Variants in RAP1A observed in about 807,000 individuals in gnomAD.
RAP1A encodes the protein ras-related protein Rap-1A.
Under a neutral mutation model 26.4 loss-of-function variants are expected in RAP1A, and 6 were observed. That is an observed-to-expected ratio of 0.23 (90% CI 0.12 to 0.45). The LOEUF is 0.45. Ranked by LOEUF, RAP1A falls within the 20% of genes least tolerant of loss-of-function variation. The pLI is 0.99. For missense variants in RAP1A, 121 were observed against 217.2 expected, an observed-to-expected ratio of 0.56 and a Z score of 2.78; for synonymous variants, 73 against 79.4, an observed-to-expected ratio of 0.92 and a Z score of 0.43.
At chr1:111,699,247 ACTATCCATATAGAAT>A (rs1408057696) in intron 4 of RAP1A, among the ~76,000 whole-genome samples, 2 of 152,190 alleles carry the variant, frequency 1.3e-5, no homozygotes, top group East Asian at 3.9e-4. Context: ...TAGTGATTTT[ACTATCCATATAGAAT>A]CTATATGGAT....
At chr1:111,618,036 C>T (rs896876124), upstream of RAP1A, among the ~76,000 whole-genome samples, 4 of 116,590 alleles carry the variant, frequency 3.4e-5, no homozygotes, top group Admixed American at 7.9e-5. Context: ...AGCAAGACTC[C>T]GCCTCAAAAA....
At chr1:111,710,232 A>G (rs1372473833) in intron 7 of RAP1A, among the ~76,000 whole-genome samples, 7 of 152,172 alleles carry the variant, frequency 4.6e-5, no homozygotes, top group Admixed American at 3.9e-4. Flanking sequence ...GTATGAGTCA[A>G]CTTCTTTCAA....
chr1:111,639,994 A>G (rs1181398874), intron 1 of RAP1A, among the ~76,000 whole-genome samples: 2 of 152,222 alleles, frequency 1.3e-5, no homozygotes, highest in African/African-American at 2.4e-5. Context: ...CTTTGGTGCA[A>G]AATTTAACCT....
In RAP1A at chr1:111,545,760, T is replaced by C. The variant is rs555956360; in HGVS notation, c.-28+3251T>C. On this transcript the variant is annotated intron_variant, in intron 1 of 7. Transcript: ENST00000356415. Reference sequence around the variant, plus strand: ...AAAAGCTTTGTTATTTTAGCTCTTATAGTTAGTTATTTGATCGATTTTTAC... The same window carrying C: ...AAAAGCTTTGTTATTTTAGCTCTTACAGTTAGTTATTTGATCGATTTTTAC... 4.7e-4 allele frequency among the ~76,000 whole-genome samples: 71 copies of C among 152,266 alleles called. 1 individual carries two copies. The South Asian group carries it at 5.6e-3, about 12-fold the overall frequency.
chr1:111,708,754 A>T (rs1571578577), intron 6 of RAP1A, among the ~76,000 whole-genome samples: 1 of 152,210 alleles, frequency 6.6e-6, no homozygotes, highest in Non-Finnish European at 1.5e-5. Context: ...GATGATTCAG[A>T]AAGTGTGTGT....
chr1:111,619,181 C>T (rs1659084920), upstream of RAP1A, among the ~76,000 whole-genome samples: 1 of 152,220 alleles, frequency 6.6e-6, no homozygotes, highest in South Asian at 2.1e-4. Context: ...GATTTTCTCT[C>T]AGCTTGGAAA....
intron 1 of RAP1A, among the ~76,000 whole-genome samples, chr1:111,685,852 T>C (rs76971909): frequency 0.089 from 13,241 of 148,460 alleles, 773 homozygotes; most frequent in African/African-American, 0.18. Context: ...TTATTCACAA[T>C]AGCAGAGACT....
At chr1:111,650,884 C>T (rs1660246759) in intron 1 of RAP1A, among the ~76,000 whole-genome samples, 1 of 152,126 alleles carries the variant, frequency 6.6e-6, no homozygotes, top group Non-Finnish European at 1.5e-5. Flanking sequence ...TCACTGCAAC[C>T]TCCGCCTCCC....
chr1:111,662,852 C>T (rs964546904), intron 1 of RAP1A, among the ~76,000 whole-genome samples: 8 of 152,214 alleles, frequency 5.3e-5, no homozygotes, highest in Non-Finnish European at 1.0e-4. Flanking sequence ...TGTCTTGGCT[C>T]ACACAACTTA....
chr1:111,548,680 G>A (rs1657131554), intron 1 of RAP1A, among the ~76,000 whole-genome samples: 1 of 152,126 alleles, frequency 6.6e-6, no homozygotes, highest in Non-Finnish European at 1.5e-5. Flanking sequence ...AATGGATGTG[G>A]ATGGTCTGCC....
rs79408127 is a variant in RAP1A, at chr1:111,665,358, G to A, written c.-27-25976G>A. Among the ~76,000 whole-genome samples the A allele has an allele frequency of 6.6e-5, 10 of 152,256 alleles. No individual in the cohort carries two copies. In the East Asian group the frequency reaches 1.7e-3, roughly 26 times the overall value. On this transcript the variant is annotated intron_variant, in intron 1 of 7. Transcript: ENST00000369709. ...GTGCTGTTAAGGGAATAAAGTTAGA[G>A]AGTGAATACCTCTATTTATGGAAAT... is the stretch of plus-strand genomic sequence containing the variant.
At chr1:111,580,651 A>G (rs1338826005) in intron 1 of RAP1A, among the ~76,000 whole-genome samples, 21 of 152,182 alleles carry the variant, frequency 1.4e-4, no homozygotes, top group Non-Finnish European at 5.9e-5. Context: ...GTTTGAGACC[A>G]GCCTGGCCAA....
intron 1 of RAP1A, among the ~76,000 whole-genome samples, chr1:111,646,419 G>C: frequency 2.6e-5 from 2 of 75,986 alleles, no homozygotes; most frequent in South Asian, 4.2e-4. Flanking sequence ...TTTCCTTTTT[G>C]TAAAAAAAAA....
At chr1:111,628,525 A>AT (rs1659468425) in intron 1 of RAP1A, among the ~76,000 whole-genome samples, 1 of 152,200 alleles carries the variant, frequency 6.6e-6, no homozygotes, top group South Asian at 2.1e-4. Flanking sequence ...TTTCAGGAGT[A>AT]CAAGCTTTGG....
intron 1 of RAP1A, among the ~76,000 whole-genome samples, chr1:111,586,150 T>C (rs946196660): frequency 6.6e-6 from 1 of 152,252 alleles, no homozygotes; most frequent in African/African-American, 2.4e-5. Flanking sequence ...ATCAAATTCA[T>C]GCCCCACTAT....
intron 1 of RAP1A, among the ~76,000 whole-genome samples, chr1:111,638,998 C>CT (rs1659810384): frequency 6.6e-6 from 1 of 151,986 alleles, no homozygotes; most frequent in South Asian, 2.1e-4. Flanking sequence ...AACAAACAAG[C>CT]TATTGAGCTG....
At chr1:111,676,538 ATTAAC>A (rs149380795) in intron 1 of RAP1A, among the ~76,000 whole-genome samples, 446 of 152,184 alleles carry the variant, frequency 2.9e-3, no homozygotes, top group African/African-American at 9.9e-3. Context: ...CCCGCATTGA[ATTAAC>A]TTAAATTAAC....
intron 1 of RAP1A, among the ~76,000 whole-genome samples, chr1:111,589,397 T>G (rs1015779154): frequency 6.6e-6 from 1 of 152,174 alleles, no homozygotes; most frequent in Non-Finnish European, 1.5e-5. Context: ...CTAGGCAACA[T>G]AGCAAGATTC....
At position 111,578,811 on chromosome 1, in the gene RAP1A, A is replaced by T. The variant is rs140856668; in HGVS notation, c.-28+36302A>T. 5.2e-3 allele frequency among the ~76,000 whole-genome samples: 786 copies of T among 152,278 alleles called. 3 individuals are homozygous for T. The highest frequency in any genetic ancestry group is 0.018 in the African/African-American group (745 of 41,538). The stretch of plus-strand genomic sequence containing the variant: ...TCCCACAAAACTGCTCTCACTTCAG[A>T]GGCCAATTGCAAGTCTGGGCCACCT... On this transcript the variant is annotated intron_variant, in intron 1 of 7. Transcript: ENST00000356415.
Sources: allele counts gnomAD v4.1 joint callset (sites outside exome capture counted in the v4.1 genomes callset), GRCh38; gene constraint gnomAD v4.1.1; transcripts MANE v1.5; gene names NCBI Gene and HGNC (gene_info 2026-07-23, HGNC 2026-07-21).